Variants in TLN2 observed in about 807,000 individuals in gnomAD.
TLN2 encodes the protein talin 2, also known as talin-2.
Under a neutral mutation model 294.7 loss-of-function variants are expected in TLN2, and 118 were observed. That is an observed-to-expected ratio of 0.40 (90% CI 0.34 to 0.47). The LOEUF (loss-of-function observed/expected upper bound fraction) is 0.47. Among genes scored for constraint, TLN2 ranks in the 20% least tolerant of loss-of-function variants. The probability of loss-of-function intolerance (pLI) is 0.84; values close to 1 mark genes in which losing one functional copy is unlikely to be tolerated. For missense variants in TLN2, 3,083 were observed against 3,282.2 expected, an observed-to-expected ratio of 0.94 and a Z score of 1.48; for synonymous variants, 1,431 against 1,304.5, an observed-to-expected ratio of 1.10 and a Z score of -2.09.
intron 3 of TLN2, among the ~76,000 whole-genome samples, chr15:62,623,717 G>C (rs1274177117): frequency 6.6e-6 from 1 of 152,154 alleles, no homozygotes; most frequent in Non-Finnish European, 1.5e-5. Flanking sequence ...CCATTATCAG[G>C]CAGTTTTCCA....
In TLN2 at chr15:62,842,731, C is replaced by A. The variant is rs1454699727; in HGVS notation, c.*2121C>A. ...TCCAGAGACAAACCAAATGCAAAGG[C>A]CTTTCCTTTATAACTCTAAAGAACA... On this transcript the variant is annotated 3_prime_UTR_variant, in exon 59 of 59. Transcript: ENST00000636159. 2 of 152,188 alleles carry A rather than the reference C, an allele frequency of 1.3e-5. No individual in the cohort carries two copies. Among genetic ancestry groups the A allele is most frequent in the Non-Finnish European group, 2.9e-5 (2 of 68,040 alleles). 9.4% of individuals were successfully genotyped at this position (152,188 alleles called of 1,614,324 possible).
intron 1 of TLN2, among the ~76,000 whole-genome samples, chr15:62,477,833 C>T (rs921235966): frequency 2.1e-5 from 3 of 143,948 alleles, no homozygotes; most frequent in Non-Finnish European, 4.5e-5. Context: ...CAAAGGAGAG[C>T]CTGGGGTCCA....
At chr15:62,791,134 G>T (rs2899684) in intron 45 of TLN2, among the ~76,000 whole-genome samples, 70,244 of 151,484 alleles carry the variant, frequency 0.46, 16,647 homozygotes, top group Middle Eastern at 0.5. Context: ...ATCACCTGAG[G>T]TCAGGAGTTC....
At chr15:62,588,025 C>A (rs367811758) in intron 1 of TLN2, among the ~76,000 whole-genome samples, 1 of 151,972 alleles carries the variant, frequency 6.6e-6, no homozygotes, top group Non-Finnish European at 1.5e-5. Flanking sequence ...GGACTACAGG[C>A]GCCCACCACC....
chr15:62,680,955 A>T (rs1320089390), intron 11 of TLN2, among the ~76,000 whole-genome samples: 1 of 152,172 alleles, frequency 6.6e-6, no homozygotes, highest in Admixed American at 6.5e-5. Flanking sequence ...TATATATGCC[A>T]CATTTTCTCT....
intron 54 of TLN2, among the ~76,000 whole-genome samples, chr15:62,826,375 G>T (rs1180376246): frequency 1.3e-5 from 2 of 152,134 alleles, no homozygotes; most frequent in Admixed American, 1.3e-4. Context: ...CGTATTCCTC[G>T]GATGCGGAGG....
chr15:62,720,577 A>G (rs1185437925), intron 25 of TLN2, among the ~76,000 whole-genome samples: 2 of 152,122 alleles, frequency 1.3e-5, no homozygotes, highest in Admixed American at 1.3e-4. Flanking sequence ...ATATAACTCT[A>G]ACATGCAGAA....
intron 1 of TLN2, among the ~76,000 whole-genome samples, chr15:62,417,512 GC>G (rs1431080433): frequency 6.6e-6 from 1 of 152,176 alleles, no homozygotes; most frequent in Non-Finnish European, 1.5e-5. Context: ...ATATAGAAAT[GC>G]CCTTTCAGAT....
chr15:62,629,105 G>A (rs192652853), intron 3 of TLN2, among the ~76,000 whole-genome samples: 6 of 152,280 alleles, frequency 3.9e-5, no homozygotes, highest in Admixed American at 2.0e-4. Context: ...GCAGAGGTGG[G>A]AGGATTGCTT....
intron 28 of TLN2, among the ~76,000 whole-genome samples, chr15:62,731,058 C>T (rs188879015): frequency 1.5e-4 from 23 of 152,196 alleles, no homozygotes; most frequent in Non-Finnish European, 2.9e-4. Flanking sequence ...CTCTCTTTAG[C>T]GGTGTCTATT....
intron 1 of TLN2, among the ~76,000 whole-genome samples, chr15:62,556,042 C>G (rs555665989): frequency 8.0e-5 from 12 of 149,474 alleles, no homozygotes; most frequent in African/African-American, 2.7e-4. Flanking sequence ...ACTTAGTTGA[C>G]TTTACAAACT....
chr15:62,474,113 A>G (rs1033246130), intron 1 of TLN2, among the ~76,000 whole-genome samples: 6 of 152,220 alleles, frequency 3.9e-5, no homozygotes, highest in African/African-American at 1.2e-4. Flanking sequence ...ACAAAACAGA[A>G]CAAACAAAGG....
chr15:62,707,738 T>C (rs1012940116), intron 20 of TLN2, among the ~76,000 whole-genome samples: 3 of 152,202 alleles, frequency 2.0e-5, no homozygotes, highest in African/African-American at 2.4e-5. Flanking sequence ...AGCACCATTA[T>C]CTCTAGTTTA....
intron 39 of TLN2, chr15:62,763,325 T>G: frequency 2.8e-6 from 1 of 363,576 alleles, no homozygotes; most frequent in Non-Finnish European, 4.8e-6. Context: ...CAGCCTAAGG[T>G]GGAGGGCAGG....
At chr15:62,694,612 G>T (rs140361259) in intron 14 of TLN2, among the ~76,000 whole-genome samples, 2 of 152,194 alleles carry the variant, frequency 1.3e-5, no homozygotes, top group African/African-American at 4.8e-5. Context: ...ATTGACCAAG[G>T]TGTGGCATTT....
intron 1 of TLN2, among the ~76,000 whole-genome samples, chr15:62,434,620 C>T (rs1447693175): frequency 4.6e-5 from 7 of 152,170 alleles, no homozygotes; most frequent in African/African-American, 1.7e-4. Context: ...CATTTTTAAT[C>T]ATTTAACCAA....
chr15:62,446,971 G>T (rs1337939771), intron 1 of TLN2, among the ~76,000 whole-genome samples: 1 of 141,904 alleles, frequency 7.0e-6, no homozygotes, highest in Non-Finnish European at 1.6e-5. Flanking sequence ...AGTTCTGCAA[G>T]AAGTTAATAG....
At chr15:62,754,088 G>A in intron 36 of TLN2, 172 bp downstream of exon 36, 6 of 901,956 alleles carry the variant, frequency 6.7e-6, no homozygotes, top group Non-Finnish European at 7.6e-6. Context: ...TGCAAAATAT[G>A]ATGAATCTGG....
Position 62,403,066 on chromosome 15 carries a change from C to T in TLN2, c.-238+12381C>T, listed in dbSNP as rs557506709. ...CAGCTTGACCAACATGGTGAAACCC[C>T]GTCTCTACTAAAAACACAAAAATTG... On this transcript the variant is annotated intron_variant, in intron 1 of 58. Coordinates refer to ENST00000636159, the MANE Select transcript of TLN2 (RefSeq NM_015059.3). 5.9e-5 allele frequency among the ~76,000 whole-genome samples: 9 copies of T among 152,206 alleles called. No homozygotes were observed. The South Asian group carries it at 1.0e-3, about 18-fold the overall frequency.
Sources: gnomAD v4.1 joint callset for allele counts (sites outside exome capture counted in the v4.1 genomes callset) on GRCh38, gnomAD v4.1.1 for gene constraint, MANE v1.5 for transcripts, NCBI Gene and HGNC (gene_info 2026-07-23, HGNC 2026-07-21) for gene names.